Variants in ZBBX observed in about 807,000 individuals in gnomAD.
The protein encoded by ZBBX is zinc finger B-box domain-containing protein 1.
Under a neutral mutation model 108.5 loss-of-function variants are expected in ZBBX, and 101 were observed. The observed-to-expected ratio is 0.93, with a 90% CI of 0.79 to 1.10. The LOEUF (loss-of-function observed/expected upper bound fraction) is 1.10, where lower values mean the gene tolerates loss of function less well. ZBBX is among the 50% of genes least tolerant of loss of function. The pLI is 0.00. For missense variants in ZBBX, 1,009 were observed against 941.4 expected, an observed-to-expected ratio of 1.07 and a Z score of -0.94; for synonymous variants, 356 against 323.4, an observed-to-expected ratio of 1.10 and a Z score of -1.08.
chr3:167,362,151 G>A (rs1258605877), intron 6 of ZBBX, among the ~76,000 whole-genome samples: 5 of 152,008 alleles, frequency 3.3e-5, no homozygotes, highest in South Asian at 4.2e-4. Context: ...ACATATATGC[G>A]CATGTACATA....
chr3:167,400,687 G>T (rs1013964215), intron 1 of ZBBX, among the ~76,000 whole-genome samples: 1 of 152,154 alleles, frequency 6.6e-6, no homozygotes, highest in Middle Eastern at 3.4e-3. Flanking sequence ...AGCCTCAGGA[G>T]GTCCTGACGA....
At chr3:167,318,155 A>G (rs1735775386) in intron 12 of ZBBX, among the ~76,000 whole-genome samples, 1 of 152,016 alleles carries the variant, frequency 6.6e-6, no homozygotes, top group Admixed American at 6.6e-5. Flanking sequence ...AGGAATTCAC[A>G]GAGGTCAAGA....
intron 1 of ZBBX, among the ~76,000 whole-genome samples, chr3:167,395,248 T>C (rs1329586735): frequency 6.6e-6 from 1 of 152,060 alleles, no homozygotes; most frequent in Non-Finnish European, 1.5e-5. Flanking sequence ...ATGAGTAAAG[T>C]TATTTTTTAG....
At chr3:167,266,866 T>A (rs1725597469) in intron 20 of ZBBX, among the ~76,000 whole-genome samples, 1 of 152,150 alleles carries the variant, frequency 6.6e-6, no homozygotes, top group African/African-American at 2.4e-5. Context: ...TCCGGTCCTT[T>A]CCCGTGAGAA....
chr3:167,224,977 C>A, the ZBBX span, among the ~76,000 whole-genome samples: 1 of 151,844 alleles, frequency 6.6e-6, no homozygotes, highest in South Asian at 2.1e-4. Flanking sequence ...CAAAATGGCA[C>A]CCCTCACAAT....
chr3:167,281,603 T>C (rs1280958470), intron 20 of ZBBX, among the ~76,000 whole-genome samples: 1 of 152,208 alleles, frequency 6.6e-6, no homozygotes, highest in East Asian at 1.9e-4. Context: ...GATGTTTTGC[T>C]ACTGAGCCAG....
intron 2 of ZBBX, among the ~76,000 whole-genome samples, chr3:167,375,765 G>C (rs1042843742): frequency 2.6e-5 from 4 of 151,962 alleles, no homozygotes; most frequent in Non-Finnish European, 5.9e-5. Context: ...ACCTGAAAGG[G>C]TAGATCTTCA....
intron 1 of ZBBX, among the ~76,000 whole-genome samples, chr3:167,394,526 G>T (rs1029298127): frequency 4.0e-5 from 6 of 151,722 alleles, no homozygotes; most frequent in Admixed American, 6.6e-5. Context: ...GATAAAAAAT[G>T]CTATTCTGTC....
chr3:167,272,467 C>A (rs368778948), intron 20 of ZBBX, among the ~76,000 whole-genome samples: 1 of 152,176 alleles, frequency 6.6e-6, no homozygotes, highest in Non-Finnish European at 1.5e-5. Context: ...GACCACTGAA[C>A]TGCAGTCCGG....
intron 18 of ZBBX, among the ~76,000 whole-genome samples, chr3:167,297,008 T>C (rs573925239): frequency 6.6e-6 from 1 of 152,118 alleles, no homozygotes; most frequent in Admixed American, 6.6e-5. Context: ...AACAGTGTGA[T>C]ACCAGTAAAA....
At chr3:167,326,550 A>G (rs1388850945) in intron 11 of ZBBX, among the ~76,000 whole-genome samples, 3 of 152,106 alleles carry the variant, frequency 2.0e-5, no homozygotes, top group African/African-American at 7.2e-5. Flanking sequence ...ATTATTTTAA[A>G]TACTATGGCT....
At chr3:167,299,746 T>G (rs750297057) in intron 17 of ZBBX, among the ~76,000 whole-genome samples, 1 of 152,152 alleles carries the variant, frequency 6.6e-6, no homozygotes, top group Non-Finnish European at 1.5e-5. Flanking sequence ...TGGAGCACCA[T>G]AGATTTCTAA....
the ZBBX span, among the ~76,000 whole-genome samples, chr3:167,220,117 C>T: frequency 8.2e-4 from 124 of 151,688 alleles, no homozygotes; most frequent in African/African-American, 2.5e-3. Flanking sequence ...AAGAAGAGCC[C>T]AGGACACAAT....
At position 167,240,840 on chromosome 3, in the gene ZBBX, G is replaced by A; in HGVS notation, c.2473C>T (p.Leu825Phe). The A allele has an allele frequency of 6.2e-7, 1 of 1,613,610 alleles. No homozygotes were observed. Among genetic ancestry groups the A allele is most frequent in the Non-Finnish European group, 8.5e-7 (1 of 1,179,638 alleles). Residue 825 changes from leucine (L) to phenylalanine (F), a missense_variant, in exon 22 of 22, where the codon CTC becomes TTC. Transcript: ENST00000675490. ...SSTDEEEEDF[L>F]NKQHVITLPW... ...AGTGTGATGACATGTTGCTTGTTGA[G>A]AAAATCTTCCTCCTCCTCATCTGTA...
intron 10 of ZBBX, among the ~76,000 whole-genome samples, chr3:167,332,277 A>G (rs1377854293): frequency 7.5e-6 from 1 of 134,036 alleles, no homozygotes; most frequent in African/African-American, 2.8e-5. Flanking sequence ...TTAAACACAC[A>G]CACACACACA....
intron 12 of ZBBX, among the ~76,000 whole-genome samples, chr3:167,318,485 T>C (rs1307889158): frequency 1.3e-5 from 2 of 152,024 alleles, no homozygotes; most frequent in African/African-American, 4.8e-5. Flanking sequence ...AGGTAGTGAA[T>C]GCAGAAGAGG....
At chr3:167,256,534 T>C (rs755046650) in intron 20 of ZBBX, among the ~76,000 whole-genome samples, 2 of 148,500 alleles carry the variant, frequency 1.3e-5, no homozygotes, top group African/African-American at 5.3e-5. Context: ...TGTTGTGCTA[T>C]CAAATAGCAG....
intron 1 of ZBBX, among the ~76,000 whole-genome samples, chr3:167,390,463 C>T (rs1046572041): frequency 1.1e-4 from 16 of 150,050 alleles, no homozygotes; most frequent in African/African-American, 2.7e-4. Flanking sequence ...CTTGGCTATA[C>T]GGGCTCTTTT....
chr3:167,210,986 A>G, the ZBBX span, among the ~76,000 whole-genome samples: 1 of 152,186 alleles, frequency 6.6e-6, no homozygotes, highest in African/African-American at 2.4e-5. Context: ...AGTGGCCAAG[A>G]TGGCCAATTA....
Sources: gnomAD v4.1 joint callset for allele counts (sites outside exome capture counted in the v4.1 genomes callset) on GRCh38, gnomAD v4.1.1 for gene constraint, MANE v1.5 for transcripts, NCBI Gene and HGNC (gene_info 2026-07-23, HGNC 2026-07-21) for gene names.